TMEM14C: variants seen among roughly 807,000 people sequenced by gnomAD.
TMEM14C encodes the protein transmembrane protein 14C, also known as chromosome 6 open reading frame 53.
A neutral mutation model predicts 14.8 loss-of-function variants in TMEM14C; 13 were observed. The observed-to-expected ratio is 0.88, with a 90% CI of 0.57 to 1.40. The LOEUF is 1.40. Ranked by LOEUF, TMEM14C falls within the 40% of genes most tolerant of loss-of-function variation. TMEM14C has a pLI of 0.00. For synonymous variants in TMEM14C, 57 were observed against 51.3 expected, an observed-to-expected ratio of 1.11 and a Z score of -0.48; for missense variants, 142 against 138.8, an observed-to-expected ratio of 1.02 and a Z score of -0.12.
At chr6:10,724,716 G>A in intron 2 of TMEM14C, 83 bp downstream of exon 2, 1 of 1,522,888 alleles carries the variant, frequency 6.6e-7, no homozygotes, top group Non-Finnish European at 9.0e-7. Flanking sequence ...AACCTTAAGA[G>A]TAGACTGCCT....
intron 5 of TMEM14C, among the ~76,000 whole-genome samples, chr6:10,730,172 G>T (rs1186203578): frequency 5.9e-5 from 9 of 152,148 alleles, no homozygotes; most frequent in Non-Finnish European, 1.0e-4. Context: ...CATCCTGAAG[G>T]TAGGGGAATT....
At chr6:10,724,816 C>T (rs1404306693) in intron 2 of TMEM14C, 145 bp from the exon 3 acceptor site, 4 of 1,317,488 alleles carry the variant, frequency 3.0e-6, no homozygotes, top group East Asian at 4.6e-5. Flanking sequence ...AGTTGTGTGA[C>T]TCTCAGAAAG....
chr6:10,729,896 A>G (rs931759892), intron 5 of TMEM14C, among the ~76,000 whole-genome samples: 10 of 152,290 alleles, frequency 6.6e-5, no homozygotes, highest in African/African-American at 2.4e-4. Context: ...TCAGGAGTTC[A>G]AGACCAGTCT....
rs112936888 is a variant in TMEM14C, at chr6:10,728,711, T to G, written c.271T>G (p.Leu91Val). ...YHSGKFMPAG[L>V]IAGASLLMVA... ...CTCTGGAAAATTCATGCCTGCAGGT[T>G]TAATTGCAGGTGCCAGGTACTTTCA... The change falls in exon 5 of 6, where the codon TTA becomes GTA. Residue 91 changes from leucine to valine, a missense_variant. Coordinates refer to ENST00000229563, the MANE Select transcript of TMEM14C (RefSeq NM_016462.4). The G allele has an allele frequency of 4.7e-4, 757 of 1,614,238 alleles. 6 individuals are homozygous for G. The African/African-American group carries it at 8.8e-3, about 19-fold the overall frequency.
chr6:10,727,707 G>A (rs1192297382), intron 4 of TMEM14C, among the ~76,000 whole-genome samples: 1 of 151,960 alleles, frequency 6.6e-6, no homozygotes, highest in African/African-American at 2.4e-5. Context: ...TGTAGTCCGA[G>A]TTACTCAGGA....
chr6:10,726,505 CA>C (rs1447932604), intron 4 of TMEM14C, among the ~76,000 whole-genome samples: 1 of 152,192 alleles, frequency 6.6e-6, no homozygotes, highest in Non-Finnish European at 1.5e-5. Flanking sequence ...GCCTGACCAA[CA>C]TGGTGAAACC....
chr6:10,726,087 T>C (rs985819688), intron 4 of TMEM14C, 79 bp downstream of exon 4: 38 of 1,517,608 alleles, frequency 2.5e-5, no homozygotes, highest in Non-Finnish European at 3.1e-5. Context: ...TTTGGTGGGA[T>C]GGGGTGAGTT....
intron 3 of TMEM14C, 151 bp from the exon 4 acceptor site, chr6:10,725,756 T>C (rs999441553): frequency 2.8e-5 from 25 of 883,620 alleles, no homozygotes; most frequent in African/African-American, 2.0e-4. Context: ...GCACACTCTC[T>C]GTAACGTCTT....
At position 10,728,695 on chromosome 6, in the gene TMEM14C, A is replaced by G. The variant is rs748827445; in HGVS notation, c.255A>G (p.Lys85=). Residue 85 remains lysine (K), a synonymous_variant, in exon 5 of 6, where the codon AAA becomes AAG. Coordinates refer to ENST00000229563, the MANE Select transcript of TMEM14C (RefSeq NM_016462.4). ...IMGMRFYHSG[K]FMPAGLIAGA... Reference sequence around the variant, plus strand: ...GAATGAGGTTCTACCACTCTGGAAAATTCATGCCTGCAGGTTTAATTGCAG... The same window carrying G: ...GAATGAGGTTCTACCACTCTGGAAAGTTCATGCCTGCAGGTTTAATTGCAG... 1 of 1,614,172 alleles carries G rather than the reference A, an allele frequency of 6.2e-7. No homozygotes were observed. Among genetic ancestry groups the G allele is most frequent in the East Asian group, 2.2e-5 (1 of 44,890 alleles).
At chr6:10,729,548 A>G (rs1176086008) in intron 5 of TMEM14C, among the ~76,000 whole-genome samples, 1 of 152,136 alleles carries the variant, frequency 6.6e-6, no homozygotes, top group Non-Finnish European at 1.5e-5. Flanking sequence ...AGGCAGAGGC[A>G]GGCGGATCAC....
Position 10,731,113 on chromosome 6 carries a change from G to A in TMEM14C, c.*447G>A, listed in dbSNP as rs1771010329. The A allele has an allele frequency of 1.0e-6, 1 of 984,136 alleles. No individual in the cohort carries two copies. Among genetic ancestry groups the A allele is most frequent in the African/African-American group, 1.7e-5 (1 of 57,330 alleles). 61.0% of individuals were successfully genotyped at this position (984,136 alleles called of 1,614,324 possible). Reference sequence around the variant, plus strand: ...TAAGTGAAATATCAATGAAAATAAAGTTTACTATAAATAATATTTCCTATG... The same window carrying A: ...TAAGTGAAATATCAATGAAAATAAAATTTACTATAAATAATATTTCCTATG... On this transcript the variant is annotated 3_prime_UTR_variant, in exon 6 of 6. Transcript: ENST00000229563.
At chr6:10,725,762 G>A (rs1175064375) in intron 3 of TMEM14C, 145 bp from the exon 4 acceptor site, 16 of 927,292 alleles carry the variant, frequency 1.7e-5, no homozygotes, top group East Asian at 8.0e-5. Flanking sequence ...TCTCTGTAAC[G>A]TCTTCCTGCT....
Position 10,725,873 on chromosome 6 carries a change from C to T in TMEM14C, c.98-34C>T, listed in dbSNP as rs369101439. On this transcript the variant is annotated intron_variant, in intron 3 of 5. Coordinates refer to ENST00000229563, the MANE Select transcript of TMEM14C (RefSeq NM_016462.4). Reference sequence around the variant, plus strand: ...TTCCGTTAGTGAAATAAGTGCCTGACATTACAATGCAAGCTGTGTTTGCTT... The same window carrying T: ...TTCCGTTAGTGAAATAAGTGCCTGATATTACAATGCAAGCTGTGTTTGCTT... 5 of 1,611,850 alleles carry T rather than the reference C, an allele frequency of 3.1e-6. No individual in the cohort carries two copies. The South Asian group carries it at 5.5e-5, about 18-fold the overall frequency.
At chr6:10,726,489 A>C (rs1310126263) in intron 4 of TMEM14C, among the ~76,000 whole-genome samples, 2 of 152,228 alleles carry the variant, frequency 1.3e-5, no homozygotes, top group Non-Finnish European at 2.9e-5. Context: ...GAGAAGTTCG[A>C]GACCAGCCTG....
At chr6:10,729,259 C>T (rs980729007) in intron 5 of TMEM14C, among the ~76,000 whole-genome samples, 9 of 152,132 alleles carry the variant, frequency 5.9e-5, no homozygotes, top group African/African-American at 1.7e-4. Flanking sequence ...CCTCAGCCTC[C>T]GGAGTAGCTG....
At chr6:10,724,275 T>A (rs1345441734) in intron 1 of TMEM14C, 1 of 267,064 alleles carries the variant, frequency 3.7e-6, no homozygotes, top group Middle Eastern at 1.2e-3. Context: ...ATTCCCTGAT[T>A]TTAGAGCTGG....
At chr6:10,725,822 C>A in intron 3 of TMEM14C, 85 bp from the exon 4 acceptor site, 1 of 1,540,986 alleles carries the variant, frequency 6.5e-7, no homozygotes, top group African/African-American at 1.4e-5. Context: ...GTGCTGTCCT[C>A]CTTTGTAGGG....
intron 5 of TMEM14C, 95 bp from the exon 6 acceptor site, chr6:10,730,520 C>A: frequency 8.2e-7 from 1 of 1,222,446 alleles, no homozygotes; most frequent in South Asian, 1.5e-5. Context: ...TCCTCCCCCA[C>A]GCAGTTGTGA....
At chr6:10,723,495 T>G (rs60841082) in intron 1 of TMEM14C, among the ~76,000 whole-genome samples, 6,551 of 152,118 alleles carry the variant, frequency 0.043, 458 homozygotes, top group African/African-American at 0.15. Context: ...TCTTGCTCCA[T>G]CTCTTTAAAA....
Sources: gnomAD v4.1 joint callset for allele counts (sites outside exome capture counted in the v4.1 genomes callset) on GRCh38, gnomAD v4.1.1 for gene constraint, MANE v1.5 for transcripts, NCBI Gene and HGNC (gene_info 2026-07-23, HGNC 2026-07-21) for gene names.